THAP4: variants seen among roughly 807,000 people sequenced by gnomAD.
THAP4 encodes peroxynitrite isomerase THAP4.
Under a neutral mutation model 48.1 loss-of-function variants are expected in THAP4, and 18 were observed. The observed-to-expected ratio is 0.37, with a 90% CI of 0.26 to 0.56. The LOEUF (loss-of-function observed/expected upper bound fraction) is 0.56. Ranked by LOEUF, THAP4 falls within the 20% of genes least tolerant of loss-of-function variation. The probability of loss-of-function intolerance (pLI) is 0.78; values close to 1 mark genes in which losing one functional copy is unlikely to be tolerated. For missense variants in THAP4, 656 were observed against 774.9 expected (o/e 0.85, Z 1.82); for synonymous variants, 345 against 324.9 (o/e 1.06, Z -0.66).
At chr2:241,635,051 A>C (rs1410528022) in intron 1 of THAP4, among the ~76,000 whole-genome samples, 1 of 152,250 alleles carries the variant, frequency 6.6e-6, no homozygotes, top group Non-Finnish European at 1.5e-5. Flanking sequence ...AATAAAAATA[A>C]TTCTGGAGGT....
intron 2 of THAP4, among the ~76,000 whole-genome samples, chr2:241,620,975 A>G (rs1334981457): frequency 6.6e-6 from 1 of 152,124 alleles, no homozygotes; most frequent in Non-Finnish European, 1.5e-5. Context: ...CAAAAAAAAA[A>G]ATCTGAAGAG....
chr2:241,599,556 C>T (rs2067088088), intron 5 of THAP4, among the ~76,000 whole-genome samples: 1 of 152,166 alleles, frequency 6.6e-6, no homozygotes, highest in Non-Finnish European at 1.5e-5. Context: ...TTTACCCTAA[C>T]ATGAAATGTA....
chr2:241,591,098 G>C (rs62192992), intron 5 of THAP4, among the ~76,000 whole-genome samples: 846 of 17,814 alleles, frequency 0.047, no homozygotes, highest in African/African-American at 0.065. Context: ...CACTAGGACA[G>C]ACAGAACTGC....
intron 5 of THAP4, among the ~76,000 whole-genome samples, chr2:241,588,495 GA>G (rs1333961400): frequency 6.6e-6 from 1 of 152,148 alleles, no homozygotes; most frequent in Non-Finnish European, 1.5e-5. Context: ...AAAAGAAAAA[GA>G]AGAAAAGTTG....
rs750845403 is a variant in THAP4 at position 241,633,346 on chromosome 2, C to A, written c.811G>T (p.Gly271Trp). ...CCCTTGTCGGGTCCCAGGCTGCTCCCACTGCAGCTTGGTTCCACATCTTTC... is the reference window on the plus strand; with the variant it reads ...CCCTTGTCGGGTCCCAGGCTGCTCCAACTGCAGCTTGGTTCCACATCTTTC... ...LKKDVEPSCS[G>W]SSLGPDKGLA... Residue 271 changes from glycine to tryptophan, a missense_variant, in exon 2 of 6, where the codon GGG becomes TGG. By Grantham distance (184) the Gly-to-Trp change is radical. Transcript: ENST00000407315. This position sits in a 1 kb window ranked among gnomAD's most constrained non-coding sequence, Gnocchi z 7.5. The A allele has an allele frequency of 6.2e-7, 1 of 1,612,746 alleles. No homozygotes were observed. The highest frequency in any genetic ancestry group is 1.1e-5 in the South Asian group (1 of 91,060).
rs536401200 is a variant in THAP4 at position 241,613,289 on chromosome 2, A to G, written c.1241-6816T>C. ...TGTACTAAGCCAAAAAAAAAAAAAA[A>G]GCGGTTATAGAAACAACAAAAAAAA... On this transcript the variant is annotated intron_variant, in intron 2 of 5. Coordinates refer to ENST00000407315, the MANE Select transcript of THAP4 (RefSeq NM_015963.6). Among the ~76,000 whole-genome samples the G allele has an allele frequency of 3.9e-3, 591 of 151,066 alleles. 5 individuals are homozygous for G. The highest frequency in any genetic ancestry group is 0.014 in the African/African-American group (566 of 41,320).
rs555916585 is a variant in THAP4, at chr2:241,611,084, C to G, written c.1241-4611G>C. Among the ~76,000 whole-genome samples the G allele has an allele frequency of 2.8e-4, 42 of 152,294 alleles. 2 individuals carry two copies. In the South Asian group the frequency reaches 7.3e-3, roughly 26 times the overall value. On this transcript the variant is annotated intron_variant, in intron 2 of 5. Coordinates refer to ENST00000407315, the MANE Select transcript of THAP4 (RefSeq NM_015963.6). ...AATAGGTCACAGATACAACCCACAGCCACCAAAACACACATACGGATGCTG... is the reference window on the plus strand; with the variant it reads ...AATAGGTCACAGATACAACCCACAGGCACCAAAACACACATACGGATGCTG...
At chr2:241,603,311 C>T (rs536135438) in intron 3 of THAP4, among the ~76,000 whole-genome samples, 7 of 151,228 alleles carry the variant, frequency 4.6e-5, no homozygotes, top group Admixed American at 1.3e-4. Context: ...TGCCCGCCCC[C>T]TCCACCACCT....
chr2:241,599,850 C>CATCTA (rs2067091519), intron 5 of THAP4, among the ~76,000 whole-genome samples: 1 of 152,140 alleles, frequency 6.6e-6, no homozygotes, highest in Admixed American at 6.5e-5. Flanking sequence ...TAGACATTAA[C>CATCTA]ATGTAATATA....
In THAP4 at chr2:241,586,262, G is replaced by GAA. The variant is rs11320455; in HGVS notation, c.1615-1539_1615-1538dup. Reference sequence around the variant, plus strand: ...ACAGAGCGAGACTCCATCTGAAGAGGAAAAAAAAAAAAAAAAAAAAAAGCA... The same window carrying GAA: ...ACAGAGCGAGACTCCATCTGAAGAGGAAAAAAAAAAAAAAAAAAAAAAAAGCA... On this transcript the variant is annotated intron_variant, in intron 5 of 5. Coordinates refer to ENST00000407315, the MANE Select transcript of THAP4 (RefSeq NM_015963.6). Among the ~76,000 whole-genome samples, 109 of 83,972 alleles carry GAA rather than the reference G, an allele frequency of 1.3e-3. 1 individual carries two copies. The highest frequency in any genetic ancestry group is 3.8e-3 in the African/African-American group (83 of 22,116). 55.1% of individuals were successfully genotyped at this position (83,972 alleles called of 152,430 possible).
upstream of THAP4, chr2:241,637,501 A>G (rs2067698109): frequency 1.8e-5 from 26 of 1,445,862 alleles, no homozygotes; most frequent in Non-Finnish European, 2.4e-5. Context: ...GTCCCACGAC[A>G]CGACCCCATG....
intron 2 of THAP4, among the ~76,000 whole-genome samples, chr2:241,625,998 C>T (rs2067492319): frequency 6.6e-6 from 1 of 152,014 alleles, no homozygotes; most frequent in South Asian, 2.1e-4. Flanking sequence ...ATTAACGTAA[C>T]CCGTCACATC....
intron 5 of THAP4, among the ~76,000 whole-genome samples, chr2:241,593,388 C>G (rs902366348): frequency 6.6e-6 from 1 of 152,242 alleles, no homozygotes; most frequent in Admixed American, 6.5e-5. Flanking sequence ...CCTGCAACAG[C>G]CCCCGACTGG....
chr2:241,593,239 T>C, intron 5 of THAP4, among the ~76,000 whole-genome samples: 1 of 151,918 alleles, frequency 6.6e-6, no homozygotes, highest in Non-Finnish European at 1.5e-5. Flanking sequence ...TGCAAGGCTC[T>C]GTCTAAAAAA....
chr2:241,609,066 T>A (rs1330759297), intron 2 of THAP4, among the ~76,000 whole-genome samples: 1 of 151,618 alleles, frequency 6.6e-6, no homozygotes, highest in African/African-American at 2.4e-5. Flanking sequence ...GAAGGCTGAG[T>A]GGGAGGGACG....
intron 5 of THAP4, among the ~76,000 whole-genome samples, chr2:241,586,734 G>C (rs2066900686): frequency 6.6e-6 from 1 of 152,068 alleles, no homozygotes; most frequent in Non-Finnish European, 1.5e-5. Flanking sequence ...TAATGAAATA[G>C]ACAAATTAGA....
At position 241,633,070 on chromosome 2, in the gene THAP4, G is replaced by A; in HGVS notation, c.1087C>T (p.Arg363Trp). Residue 363 changes from arginine to tryptophan, a missense_variant, in exon 2 of 6, where the codon CGG becomes TGG. Arg to Trp is a moderately radical substitution (Grantham distance 101). Coordinates refer to ENST00000407315, the MANE Select transcript of THAP4 (RefSeq NM_015963.6). This position sits in a 1 kb window ranked among gnomAD's most constrained non-coding sequence, Gnocchi z 7.5. ...CCGTTCTTCTTCTCCACCTGCTCCC[G>A]CAGGCAGCACACCTGGCTCTTGTTC... ...RQNKSQVCCL[R>W]EQVEKKNGEL... 1 of 1,613,922 alleles carries A rather than the reference G, an allele frequency of 6.2e-7. No individual in the cohort carries two copies. Among genetic ancestry groups the A allele is most frequent in the Non-Finnish European group, 8.5e-7 (1 of 1,180,002 alleles).
rs145671460 is a variant in THAP4, at chr2:241,593,078, T to C, written c.1615-8353A>G. On this transcript the variant is annotated intron_variant, in intron 5 of 5. Transcript: ENST00000407315. ...AGCAACAAAGTGAGTCCCCCATCTCTATTAAAAATACAAAAAATTAGCGGG... is the reference window on the plus strand; with the variant it reads ...AGCAACAAAGTGAGTCCCCCATCTCCATTAAAAATACAAAAAATTAGCGGG... 3.3e-4 allele frequency among the ~76,000 whole-genome samples: 50 copies of C among 152,088 alleles called. No homozygotes were observed. The East Asian group carries it at 8.1e-3, about 25-fold the overall frequency.
At chr2:241,619,978 CGGTGAGTGAGG>C (rs1439548311) in intron 2 of THAP4, among the ~76,000 whole-genome samples, 40 of 38,084 alleles carry the variant, frequency 1.1e-3, no homozygotes, top group Non-Finnish European at 1.2e-3. Flanking sequence ...GTGAGTGAGT[CGGTGAGTGAGG>C]GGTGAGTGAG....
Sources: gnomAD v4.1 joint callset for allele counts (sites outside exome capture counted in the v4.1 genomes callset) on GRCh38, gnomAD v4.1.1 for gene constraint, Gnocchi (gnomAD v3.1) non-coding constraint, MANE v1.5 for transcripts, NCBI Gene and HGNC (gene_info 2026-07-23, HGNC 2026-07-21) for gene names.